CACNA1D: variants seen among roughly 807,000 people sequenced by gnomAD.
CACNA1D encodes the protein voltage-dependent L-type calcium channel subunit alpha-1D.
A neutral mutation model predicts 257.1 loss-of-function variants in CACNA1D; 55 were observed. The observed-to-expected ratio is 0.21, with a 90% confidence interval of 0.17 to 0.27. The LOEUF is 0.27. Among genes scored for constraint, CACNA1D ranks in the 10% least tolerant of loss-of-function variants. The pLI is 1.00. For synonymous variants in CACNA1D, 980 were observed against 1,014.9 expected (o/e 0.97, Z 0.65); for missense variants, 1,876 against 2,784.0 (o/e 0.67, Z 7.34).
At chr3:53,684,017 A>G (rs1356765551) in intron 8 of CACNA1D, among the ~76,000 whole-genome samples, 1 of 152,226 alleles carries the variant, frequency 6.6e-6, no homozygotes, top group East Asian at 1.9e-4. Context: ...GATCCAGAGA[A>G]TTTTAACAGA....
intron 3 of CACNA1D, among the ~76,000 whole-genome samples, chr3:53,541,179 C>G (rs1229690288): frequency 1.3e-5 from 2 of 152,142 alleles, no homozygotes; most frequent in Non-Finnish European, 2.9e-5. Flanking sequence ...ACTTCTGGGT[C>G]AAACAATTTG....
intron 17 of CACNA1D, 42 bp downstream of exon 17, chr3:53,731,188 G>T (rs769659479): frequency 8.5e-7 from 1 of 1,175,558 alleles, no homozygotes; most frequent in Non-Finnish European, 1.3e-6. Context: ...GTTTCAAAAT[G>T]ATCCTGTTGA....
At chr3:53,655,068 A>G (rs2094135482) in intron 4 of CACNA1D, among the ~76,000 whole-genome samples, 1 of 152,066 alleles carries the variant, frequency 6.6e-6, no homozygotes, top group East Asian at 1.9e-4. Flanking sequence ...AACGTGTGGT[A>G]TTTGGTTTTT....
chr3:53,519,658 C>A (rs1363833349), intron 3 of CACNA1D, among the ~76,000 whole-genome samples: 1 of 152,144 alleles, frequency 6.6e-6, no homozygotes, highest in Non-Finnish European at 1.5e-5. Flanking sequence ...AGATATAATT[C>A]ACACACCCTA....
intron 36 of CACNA1D, 60 bp from the exon 37 acceptor site, chr3:53,776,800 G>A: frequency 6.2e-7 from 1 of 1,613,642 alleles, no homozygotes; most frequent in Non-Finnish European, 8.5e-7. Flanking sequence ...TTGTGGAGTG[G>A]ACTGAAAGTT....
At chr3:53,776,822 G>C (rs749673396) in intron 36 of CACNA1D, 38 bp from the exon 37 acceptor site, 12 of 1,612,418 alleles carry the variant, frequency 7.4e-6, no homozygotes, top group Non-Finnish European at 1.0e-5. Context: ...GGGCCAGCTG[G>C]TACTGTTCCT....
intron 3 of CACNA1D, among the ~76,000 whole-genome samples, chr3:53,505,054 C>G (rs2107168267): frequency 6.6e-6 from 1 of 151,726 alleles, no homozygotes; most frequent in East Asian, 1.9e-4. Flanking sequence ...TGGCCCATGT[C>G]TCTCTATCCC....
intron 25 of CACNA1D, among the ~76,000 whole-genome samples, chr3:53,746,600 G>A (rs1013429242): frequency 1.3e-5 from 2 of 152,134 alleles, no homozygotes; most frequent in Non-Finnish European, 1.5e-5. Context: ...AGCAGAAGGT[G>A]CAGTCAGAGA....
intron 8 of CACNA1D, among the ~76,000 whole-genome samples, chr3:53,682,838 C>T (rs2094445050): frequency 6.6e-6 from 1 of 152,120 alleles, no homozygotes; most frequent in Admixed American, 6.5e-5. Context: ...GACCTTTCAC[C>T]ATAAACAACT....
At chr3:53,600,921 C>T (rs1445371552) in intron 3 of CACNA1D, among the ~76,000 whole-genome samples, 1 of 152,152 alleles carries the variant, frequency 6.6e-6, no homozygotes, top group Non-Finnish European at 1.5e-5. Context: ...GTCCTCTGTG[C>T]CCACCTCCCA....
At chr3:53,566,050 C>T (rs1333753474) in intron 3 of CACNA1D, among the ~76,000 whole-genome samples, 1 of 152,178 alleles carries the variant, frequency 6.6e-6, no homozygotes, top group Non-Finnish European at 1.5e-5. Context: ...TACATCTTAG[C>T]CTTTTCCAAT....
chr3:53,689,962 A>AT (rs1161880972), intron 8 of CACNA1D, among the ~76,000 whole-genome samples: 3 of 151,710 alleles, frequency 2.0e-5, no homozygotes, highest in African/African-American at 7.3e-5. Flanking sequence ...ACCCGGCTAG[A>AT]TTTTTTTTTA....
At chr3:53,528,262 T>G (rs1030613920) in intron 3 of CACNA1D, among the ~76,000 whole-genome samples, 1 of 152,208 alleles carries the variant, frequency 6.6e-6, no homozygotes, top group Non-Finnish European at 1.5e-5. Flanking sequence ...ATCCAGTTGC[T>G]CCAGCAACAT....
chr3:53,537,823 G>A (rs970411770), intron 3 of CACNA1D, among the ~76,000 whole-genome samples: 2 of 152,142 alleles, frequency 1.3e-5, no homozygotes, highest in East Asian at 3.8e-4. Flanking sequence ...CCATAGTATT[G>A]TTTAATATGT....
chr3:53,533,711 C>T (rs1221650790), intron 3 of CACNA1D, among the ~76,000 whole-genome samples: 4 of 152,270 alleles, frequency 2.6e-5, no homozygotes, highest in Non-Finnish European at 4.4e-5. Flanking sequence ...GCGCTGAGCA[C>T]GTGCAGCTGC....
intron 3 of CACNA1D, among the ~76,000 whole-genome samples, chr3:53,622,196 G>A (rs61001001): frequency 0.014 from 2,187 of 152,210 alleles, 49 homozygotes; most frequent in African/African-American, 0.049. Context: ...GATCACAGGC[G>A]TAAGCCACCA....
At chr3:53,753,295 G>T (rs1395344195) in intron 28 of CACNA1D, among the ~76,000 whole-genome samples, 2 of 152,230 alleles carry the variant, frequency 1.3e-5, no homozygotes, top group African/African-American at 4.8e-5. Context: ...TCAACATAAA[G>T]CCCTGCCAGA....
Position 53,650,928 on chromosome 3 carries a change from T to C in CACNA1D, c.623+10T>C, listed in dbSNP as rs758468985. ...TTATAGTAATAGTAGGGTAAGTCTC[T>C]TTTACTTTGGGGAAATGTTGATTTG... On this transcript the variant is annotated intron_variant, in intron 4 of 47. Coordinates refer to ENST00000350061, the MANE Select transcript of CACNA1D (RefSeq NM_001128840.3). 41 of 1,610,824 alleles carry C rather than the reference T, an allele frequency of 2.5e-5. No homozygotes were observed. Among genetic ancestry groups the C allele is most frequent in the Middle Eastern group, 1.6e-4 (1 of 6,076 alleles).
rs548368740 is a variant in CACNA1D, at chr3:53,811,938, T to C, written c.*532T>C. Reference sequence around the variant, plus strand: ...CCTGTTTAGCTGTTCTGAAATACGGTGTGTAAGTAAGTCAGAACCCAGCTA... The same window carrying C: ...CCTGTTTAGCTGTTCTGAAATACGGCGTGTAAGTAAGTCAGAACCCAGCTA... On this transcript the variant is annotated 3_prime_UTR_variant, in exon 48 of 48. Coordinates refer to ENST00000350061, the MANE Select transcript of CACNA1D (RefSeq NM_001128840.3). This position sits in a 1 kb window ranked among gnomAD's most constrained non-coding sequence, Gnocchi z 4.2. 1.3e-5 allele frequency: 2 copies of C among 152,662 alleles called. No homozygotes were observed. Among genetic ancestry groups the C allele is most frequent in the East Asian group, 1.9e-4 (1 of 5,186 alleles). 9.5% of individuals were successfully genotyped at this position (152,662 alleles called of 1,614,324 possible). A position where few individuals can be genotyped will look rare whatever the true frequency, so the allele number is the denominator to read the frequency against.
Sources: allele counts gnomAD v4.1 joint callset (sites outside exome capture counted in the v4.1 genomes callset), GRCh38; gene constraint gnomAD v4.1.1; non-coding constraint Gnocchi (gnomAD v3.1); transcripts MANE v1.5; gene names NCBI Gene and HGNC (gene_info 2026-07-23, HGNC 2026-07-21).